Variants in PTPRD observed in about 807,000 individuals in gnomAD.
The protein encoded by PTPRD is receptor-type tyrosine-protein phosphatase delta.
Under a neutral mutation model 214.5 loss-of-function variants are expected in PTPRD, and 34 were observed. The ratio of observed to expected loss-of-function variants is 0.16; its 90% confidence interval spans 0.12 to 0.21. The LOEUF (loss-of-function observed/expected upper bound fraction) is 0.21. Among genes scored for constraint, PTPRD ranks in the 10% least tolerant of loss-of-function variants. The probability of loss-of-function intolerance (pLI) is 1.00; values close to 1 mark genes in which losing one functional copy is unlikely to be tolerated. For missense variants in PTPRD, 2,545 were observed against 2,398.7 expected (o/e 1.06, Z -1.27); for synonymous variants, 1,128 against 845.7 (o/e 1.33, Z -5.79).
chr9:9,768,060 T>C (rs1360110856), intron 5 of PTPRD, among the ~76,000 whole-genome samples: 1 of 152,198 alleles, frequency 6.6e-6, no homozygotes, highest in African/African-American at 2.4e-5. Context: ...CAGGATGTTG[T>C]TGCTTAAAAT....
chr9:9,183,764 A>G (rs1224787506), intron 9 of PTPRD, among the ~76,000 whole-genome samples: 1 of 152,026 alleles, frequency 6.6e-6, no homozygotes, highest in Non-Finnish European at 1.5e-5. Flanking sequence ...TGGCCTTTAA[A>G]TAAATAATGC....
chr9:9,144,657 G>A (rs1330848949), intron 10 of PTPRD, among the ~76,000 whole-genome samples: 2 of 152,116 alleles, frequency 1.3e-5, no homozygotes, highest in East Asian at 3.9e-4. Flanking sequence ...GGAGGTTGAA[G>A]CACGAGAATC....
chr9:10,564,168 A>ATTTTTTTTTTTTT (rs1591017043), intron 2 of PTPRD, among the ~76,000 whole-genome samples: 9 of 11,858 alleles, frequency 7.6e-4, no homozygotes, highest in South Asian at 2.6e-3. Context: ...ACACTAGGCT[A>ATTTTTTTTTTTTT]TTCTTTTTTT....
intron 7 of PTPRD, among the ~76,000 whole-genome samples, chr9:9,585,322 T>C (rs548223056): frequency 1.6e-4 from 25 of 152,228 alleles, no homozygotes; most frequent in African/African-American, 5.8e-4. Context: ...GTCCTTTTTC[T>C]ACTTATTCCT....
chr9:8,521,482 G>T lies in PTPRD; in HGVS notation c.756C>A (p.Ser252Arg), dbSNP rs765489687. Residue 252 changes from serine to arginine, a missense_variant, in exon 20 of 46, where the codon AGC becomes AGA. By Grantham distance (110) the Ser-to-Arg change is moderately radical. Coordinates refer to ENST00000381196, the MANE Select transcript of PTPRD (RefSeq NM_002839.4). ...CCACGGCCACACAGGTGATATTAAC[G>T]CTTCCGCCTGGCATGATTTCATGAT... ...PTNHEIMPGG[S>R]VNITCVAVGS... 25 of 1,613,832 alleles carry T rather than the reference G, an allele frequency of 1.5e-5. No homozygotes were observed. Among genetic ancestry groups the T allele is most frequent in the Non-Finnish European group, 2.1e-5 (25 of 1,179,926 alleles).
chr9:9,788,487 G>C (rs1350760156), intron 5 of PTPRD, among the ~76,000 whole-genome samples: 2 of 148,092 alleles, frequency 1.4e-5, no homozygotes, highest in African/African-American at 5.0e-5. Flanking sequence ...GGGAGGCAGA[G>C]CTTGCAGTGA....
At chr9:9,552,726 T>C (rs2080605359) in intron 8 of PTPRD, among the ~76,000 whole-genome samples, 1 of 152,060 alleles carries the variant, frequency 6.6e-6, no homozygotes, top group Non-Finnish European at 1.5e-5. Context: ...ACTTTAGAGA[T>C]TTCTGCATTT....
chr9:9,587,727 G>C (rs2092235372), intron 7 of PTPRD, among the ~76,000 whole-genome samples: 1 of 151,862 alleles, frequency 6.6e-6, no homozygotes, highest in East Asian at 1.9e-4. Context: ...TGGAGCTGGA[G>C]GTCATTAAGT....
At position 8,517,965 on chromosome 9, in the gene PTPRD, T is replaced by G. The variant is rs2097816374; in HGVS notation, c.1426A>C (p.Ile476Leu). 6.2e-7 allele frequency: 1 copy of G among 1,614,176 alleles called. No individual in the cohort carries two copies. Among genetic ancestry groups the G allele is most frequent in the Non-Finnish European group, 8.5e-7 (1 of 1,180,004 alleles). The change falls in exon 21 of 46, where the codon ATC becomes CTC. Residue 476 changes from isoleucine to leucine, a missense_variant. By Grantham distance (5) the Ile-to-Leu change is conservative. Coordinates refer to ENST00000381196, the MANE Select transcript of PTPRD (RefSeq NM_002839.4). ...GGCACTAAGTTGCCAATAGTAGTGA[T>G]TTGGCTGTCAGCTACATTGTGTTTC... ...WMKHNVADSQ[I>L]TTIGNLVPQK...
chr9:10,152,184 C>A (rs1339973108), intron 3 of PTPRD, among the ~76,000 whole-genome samples: 1 of 152,282 alleles, frequency 6.6e-6, no homozygotes, highest in Non-Finnish European at 1.5e-5. Context: ...CTGTTGGCAT[C>A]ATTTAGCATA....
intron 6 of PTPRD, among the ~76,000 whole-genome samples, chr9:9,755,354 G>A (rs193029357): frequency 1.2e-4 from 18 of 152,106 alleles, no homozygotes; most frequent in Non-Finnish European, 2.5e-4. Context: ...GGAAAAAATT[G>A]TACTAAAAAG....
chr9:9,905,472 A>G (rs921946934), intron 5 of PTPRD, among the ~76,000 whole-genome samples: 1 of 151,976 alleles, frequency 6.6e-6, no homozygotes, highest in Non-Finnish European at 1.5e-5. Flanking sequence ...GCTACATACA[A>G]AAACTTGGCT....
chr9:9,445,550 T>C (rs2090092785), intron 8 of PTPRD, among the ~76,000 whole-genome samples: 1 of 152,066 alleles, frequency 6.6e-6, no homozygotes, highest in Admixed American at 6.6e-5. Context: ...CTTACAATCA[T>C]GGCGGAAGGG....
At chr9:9,367,013 A>C (rs547340811) in intron 9 of PTPRD, among the ~76,000 whole-genome samples, 1 of 151,614 alleles carries the variant, frequency 6.6e-6, no homozygotes, top group African/African-American at 2.4e-5. Flanking sequence ...AAATCTCAGG[A>C]TATTGTAATA....
intron 8 of PTPRD, among the ~76,000 whole-genome samples, chr9:9,439,194 AT>A (rs35504835): frequency 0.61 from 91,984 of 151,564 alleles, 27,960 homozygotes; most frequent in Middle Eastern, 0.68. Context: ...AATACATTAG[AT>A]TTTTTTTTAA....
At chr9:8,822,680 G>C (rs1319001484) in intron 11 of PTPRD, among the ~76,000 whole-genome samples, 1 of 152,124 alleles carries the variant, frequency 6.6e-6, no homozygotes, top group Admixed American at 6.6e-5. Flanking sequence ...ACAGCCTTCG[G>C]TTGGGGCTAT....
chr9:8,981,222 T>C (rs1044831097), intron 11 of PTPRD, among the ~76,000 whole-genome samples: 9 of 151,494 alleles, frequency 5.9e-5, no homozygotes, highest in Admixed American at 1.3e-4. Flanking sequence ...GAGCTCAGCA[T>C]AGAGATTAAA....
chr9:8,376,204 C>G (rs1008720811), intron 38 of PTPRD, 114 bp from the exon 39 acceptor site: 3 of 1,224,614 alleles, frequency 2.4e-6, no homozygotes, highest in Non-Finnish European at 3.4e-6. Context: ...TTCTACCACC[C>G]TGTAGCCTTT....
At chr9:9,629,835 A>T (rs2095535897) in intron 7 of PTPRD, among the ~76,000 whole-genome samples, 1 of 152,206 alleles carries the variant, frequency 6.6e-6, no homozygotes, top group Non-Finnish European at 1.5e-5. Flanking sequence ...AGAAGGAAAA[A>T]CCAGCACTGT....
Sources: allele counts gnomAD v4.1 joint callset (sites outside exome capture counted in the v4.1 genomes callset), GRCh38; gene constraint gnomAD v4.1.1; transcripts MANE v1.5; gene names NCBI Gene and HGNC (gene_info 2026-07-23, HGNC 2026-07-21).